ZNF33B: variants seen among roughly 807,000 people sequenced by gnomAD.
ZNF33B encodes zinc finger protein 33B, also known as zinc finger protein 11b (KOX 2).
In ZNF33B, 29 loss-of-function variants were observed where a neutral mutation model predicts 45.8. The ratio of observed to expected loss-of-function variants is 0.63; its 90% CI spans 0.47 to 0.86. ZNF33B has a LOEUF of 0.86. Among genes scored for constraint, ZNF33B ranks in the 40% least tolerant of loss-of-function variants. ZNF33B has a pLI of 0.00. For missense variants in ZNF33B, 831 were observed against 909.9 expected (o/e 0.91, Z 1.12); for synonymous variants, 305 against 307.8 (o/e 0.99, Z 0.10).
chr10:42,583,943 A>T (rs1273474332), intron 1 of ZNF33B, among the ~76,000 whole-genome samples: 1 of 152,222 alleles, frequency 6.6e-6, no homozygotes, highest in East Asian at 1.9e-4. Context: ...ATTCCCTGGC[A>T]GCCCCAGCCA....
At chr10:42,622,074 TCTAC>T (rs1838616029) in intron 4 of ZNF33B, among the ~76,000 whole-genome samples, 2 of 152,178 alleles carry the variant, frequency 1.3e-5, no homozygotes, top group South Asian at 4.1e-4. Flanking sequence ...AGAAAACAAT[TCTAC>T]CTATAGCACC....
intron 4 of ZNF33B, among the ~76,000 whole-genome samples, chr10:42,604,158 G>A (rs1398117877): frequency 6.6e-6 from 1 of 152,122 alleles, no homozygotes; most frequent in Non-Finnish European, 1.5e-5. Context: ...TTTTAAATAT[G>A]TTCAGGCCAG....
chr10:42,619,787 A>G (rs1015005150), intron 4 of ZNF33B, among the ~76,000 whole-genome samples: 2 of 152,204 alleles, frequency 1.3e-5, no homozygotes, highest in African/African-American at 4.8e-5. Flanking sequence ...GTTATGAGGG[A>G]ATCAATTTAA....
chr10:42,620,436 T>C (rs1838522711), intron 4 of ZNF33B, among the ~76,000 whole-genome samples: 1 of 152,094 alleles, frequency 6.6e-6, no homozygotes, highest in Admixed American at 6.6e-5. Flanking sequence ...AGGGTCTTGC[T>C]CTGTCACCCA....
In ZNF33B at chr10:42,592,867, A is replaced by C. The variant is rs563032716; in HGVS notation, c.2083T>G (p.Cys695Gly). 6 of 1,614,126 alleles carry C rather than the reference A, an allele frequency of 3.7e-6. No individual in the cohort carries two copies. Among genetic ancestry groups the C allele is most frequent in the Middle Eastern group, 1.6e-4 (1 of 6,062 alleles). ...RKHTGEKPYE[C>G]NECGKSFSHK... ...CTGAAGGATTTCCCACATTCATTGC[A>C]TTCATAGGGTTTCTCCCCCGTGTGC... The change falls in exon 5 of 5, where the codon TGC (cysteine) becomes GGC (glycine). Residue 695 changes from cysteine (C) to glycine (G), a missense_variant. Cys to Gly is a radical substitution (Grantham distance 159). Transcript: ENST00000359467.
chr10:42,636,681 GTGGCGGCCTGCGCC>G, intron 2 of ZNF33B: 1 of 541,320 alleles, frequency 1.8e-6, no homozygotes, highest in Non-Finnish European at 3.3e-6. Context: ...TTAGCCAGGC[GTGGCGGCCTGCGCC>G]TGTAGTCCCA....
chr10:42,611,704 G>T (rs1294904364), intron 4 of ZNF33B, among the ~76,000 whole-genome samples: 1 of 152,176 alleles, frequency 6.6e-6, no homozygotes, highest in East Asian at 1.9e-4. Context: ...TATGTAATTA[G>T]CAACTTGTAC....
At position 42,632,384 on chromosome 10, in the gene ZNF33B, G is replaced by C; in HGVS notation, c.65C>G (p.Thr22Ser). The change falls in exon 3 of 5, where the codon ACC (threonine) becomes AGC (serine). Residue 22 changes from threonine to serine, a missense_variant. Coordinates refer to ENST00000359467, the MANE Select transcript of ZNF33B (RefSeq NM_006955.3). ...VSFKDVTVGF[T>S]QEEWQHLDPS... ...GTCCAGGTGCTGCCACTCCTCCTGGGTGAAGCCCACAGTCACATCTTTAAA... is the reference window on the plus strand; with the variant it reads ...GTCCAGGTGCTGCCACTCCTCCTGGCTGAAGCCCACAGTCACATCTTTAAA... 1.1e-5 allele frequency: 17 copies of C among 1,613,812 alleles called. No homozygotes were observed. The highest frequency in any genetic ancestry group is 1.4e-5 in the Non-Finnish European group (17 of 1,179,956).
At chr10:42,581,373 A>C (rs1383244712) in intron 1 of ZNF33B, among the ~76,000 whole-genome samples, 1 of 150,780 alleles carries the variant, frequency 6.6e-6, no homozygotes, top group Non-Finnish European at 1.5e-5. Context: ...CTGAGACAGG[A>C]GAATCACTTG....
At chr10:42,575,605 A>C (rs1362372766) in intron 1 of ZNF33B, among the ~76,000 whole-genome samples, 5 of 151,516 alleles carry the variant, frequency 3.3e-5, no homozygotes, top group African/African-American at 1.2e-4. Flanking sequence ...AATTATGATG[A>C]TTTTTGTGTT....
At chr10:42,583,037 T>A (rs1836856551) in intron 1 of ZNF33B, 6 of 820,356 alleles carry the variant, frequency 7.3e-6, no homozygotes, top group Non-Finnish European at 1.3e-5. Context: ...CCAGTCCTGG[T>A]GTGGCAGGCA....
At chr10:42,601,900 G>A (rs1380557376) in intron 4 of ZNF33B, among the ~76,000 whole-genome samples, 1 of 141,128 alleles carries the variant, frequency 7.1e-6, no homozygotes, top group East Asian at 2.1e-4. Flanking sequence ...CTTGCTCTAT[G>A]TGATATTCTT....
At chr10:42,599,243 G>GA (rs1432413875) in intron 4 of ZNF33B, among the ~76,000 whole-genome samples, 2 of 151,936 alleles carry the variant, frequency 1.3e-5, no homozygotes, top group Admixed American at 1.3e-4. Context: ...TCTTCTCAAT[G>GA]AAACAGCTTT....
intron 4 of ZNF33B, among the ~76,000 whole-genome samples, chr10:42,626,595 G>A (rs1352828954): frequency 6.6e-6 from 1 of 151,942 alleles, no homozygotes; most frequent in Non-Finnish European, 1.5e-5. Context: ...AGCTGAAGCA[G>A]GATAATCACT....
At chr10:42,616,359 G>C (rs1444028956) in intron 4 of ZNF33B, among the ~76,000 whole-genome samples, 1 of 152,128 alleles carries the variant, frequency 6.6e-6, no homozygotes, top group African/African-American at 2.4e-5. Context: ...TAATTCTCCA[G>C]AAAATTGTTT....
rs1837236123 is a variant in ZNF33B at position 42,593,379 on chromosome 10, G to A, written c.1571C>T (p.Pro524Leu). Residue 524 changes from proline to leucine, a missense_variant, in exon 5 of 5, where the codon CCT becomes CTT. Pro to Leu is a moderately conservative substitution (Grantham distance 98). Coordinates refer to ENST00000359467, the MANE Select transcript of ZNF33B (RefSeq NM_006955.3). ...TTTCCCACATTCATAACATTCATAA[G>A]GTTTCAACCCTGTATGAATTATCTG... The part of the protein sequence containing the change: ...RHQIIHTGLK[P>L]YECYECGKTF... The A allele has an allele frequency of 6.2e-7, 1 of 1,613,752 alleles. No individual in the cohort carries two copies. The highest frequency in any genetic ancestry group is 8.5e-7 in the Non-Finnish European group (1 of 1,179,930).
intron 4 of ZNF33B, among the ~76,000 whole-genome samples, chr10:42,626,975 A>AAACT (rs935403759): frequency 1.3e-5 from 2 of 151,936 alleles, no homozygotes; most frequent in African/African-American, 4.8e-5. Context: ...GGTTTCTGAA[A>AAACT]AACTGCTACA....
chr10:42,616,453 T>G (rs1221651013), intron 4 of ZNF33B, among the ~76,000 whole-genome samples: 1 of 152,190 alleles, frequency 6.6e-6, no homozygotes, highest in Non-Finnish European at 1.5e-5. Context: ...ATTTTTTTAG[T>G]AATTTAAATC....
At position 42,593,055 on chromosome 10, in the gene ZNF33B, A is replaced by G; in HGVS notation, c.1895T>C (p.Ile632Thr). ...ATTACATTCATAGGGTTTCTCCCCT[A>G]TGTGAATTCTCTGATGCTGAGTGAG... ...SQLTQHQRIH[I>T]GEKPYECNEC... Residue 632 changes from isoleucine to threonine, a missense_variant, in exon 5 of 5, where the codon ATA (isoleucine) becomes ACA (threonine). Transcript: ENST00000359467. 5 of 1,613,758 alleles carry G rather than the reference A, an allele frequency of 3.1e-6. No homozygotes were observed. The highest frequency in any genetic ancestry group is 1.7e-6 in the Non-Finnish European group (2 of 1,179,896).
Sources: allele counts gnomAD v4.1 joint callset (sites outside exome capture counted in the v4.1 genomes callset), GRCh38; gene constraint gnomAD v4.1.1; transcripts MANE v1.5; gene names NCBI Gene and HGNC (gene_info 2026-07-23, HGNC 2026-07-21).